Variants in SLC22A24 observed in about 807,000 individuals in gnomAD.
SLC22A24 encodes the protein steroid transmembrane transporter SLC22A24.
A neutral mutation model predicts 49.8 loss-of-function variants in SLC22A24; 53 were observed. The ratio of observed to expected loss-of-function variants is 1.06; its 90% confidence interval spans 0.85 to 1.34. The LOEUF (loss-of-function observed/expected upper bound fraction) is 1.34, where lower values mean the gene tolerates loss of function less well. Ranked by LOEUF, SLC22A24 falls within the 40% of genes most tolerant of loss-of-function variation. The pLI is 0.00. For missense variants in SLC22A24, 786 were observed against 675.9 expected (o/e 1.16, Z -1.81); for synonymous variants, 302 against 256.4 (o/e 1.18, Z -1.70).
intron 6 of SLC22A24, among the ~76,000 whole-genome samples, chr11:63,095,049 C>T (rs1242297609): frequency 1.3e-5 from 2 of 152,138 alleles, no homozygotes; most frequent in African/African-American, 4.8e-5. Context: ...GACATGAAGT[C>T]CTTGCCCATG....
chr11:63,118,138 T>TA (rs949669719), intron 4 of SLC22A24, among the ~76,000 whole-genome samples: 6 of 152,100 alleles, frequency 3.9e-5, no homozygotes, highest in African/African-American at 1.4e-4. Flanking sequence ...CAGAAAGGTA[T>TA]AATAATGACA....
intron 4 of SLC22A24, among the ~76,000 whole-genome samples, chr11:63,108,106 C>G (rs759853472): frequency 3.5e-4 from 53 of 152,034 alleles, no homozygotes; most frequent in Non-Finnish European, 7.1e-4. Context: ...GAGATACATC[C>G]CATCAATACC....
At chr11:63,126,372 C>T (rs1207493503) in intron 2 of SLC22A24, among the ~76,000 whole-genome samples, 1 of 152,142 alleles carries the variant, frequency 6.6e-6, no homozygotes, top group Non-Finnish European at 1.5e-5. Flanking sequence ...CAATTTTCTG[C>T]ATATGGCTAG....
At chr11:63,101,329 GGTAA>G (rs988877511) in intron 5 of SLC22A24, among the ~76,000 whole-genome samples, 7 of 151,196 alleles carry the variant, frequency 4.6e-5, no homozygotes, top group Admixed American at 3.3e-4. Context: ...AATTACACTA[GGTAA>G]GTGTTTATTA....
intron 6 of SLC22A24, among the ~76,000 whole-genome samples, chr11:63,086,823 A>G (rs1052144998): frequency 3.3e-5 from 5 of 152,188 alleles, no homozygotes; most frequent in African/African-American, 4.8e-5. Flanking sequence ...TTGTCTCACT[A>G]TAATAATTTT....
intron 4 of SLC22A24, among the ~76,000 whole-genome samples, chr11:63,113,189 C>CATATATATACACATATATAT (rs2087185583): frequency 2.6e-4 from 2 of 7,832 alleles, no homozygotes; most frequent in African/African-American, 5.2e-4. Context: ...TATATATATA[C>CATATATATACACATATATAT]ACATATATAT....
At chr11:63,091,473 A>G (rs945341875) in intron 6 of SLC22A24, among the ~76,000 whole-genome samples, 3 of 152,210 alleles carry the variant, frequency 2.0e-5, no homozygotes, top group Non-Finnish European at 2.9e-5. Flanking sequence ...ATTTCAGGCC[A>G]ATATCCCTGG....
Position 63,083,302 on chromosome 11 carries a change from T to G in SLC22A24, c.1226A>C (p.Gln409Pro). The G allele has an allele frequency of 1.3e-6, 2 of 1,560,986 alleles. No individual in the cohort carries two copies. The highest frequency in any genetic ancestry group is 1.7e-6 in the Non-Finnish European group (2 of 1,151,464). ...TLNHMGRRIS[Q>P]ILFTFPVGLF... ...TCCCACCGGGAACGTGAACAATATC[T>G]GGCTTATTCGACGACCCATATGATT... is the stretch of plus-strand genomic sequence containing the variant. The change falls in exon 7 of 10, where the codon CAG becomes CCG. Residue 409 changes from glutamine to proline, a missense_variant. Physicochemically the swap from Gln to Pro is moderately conservative, Grantham distance 76. Coordinates refer to ENST00000612278, the MANE Select transcript of SLC22A24 (RefSeq NM_001136506.2).
chr11:63,106,402 T>A (rs2087122046), intron 4 of SLC22A24, among the ~76,000 whole-genome samples: 1 of 152,198 alleles, frequency 6.6e-6, no homozygotes, highest in Admixed American at 6.5e-5. Flanking sequence ...TATGTGTGCA[T>A]GTGTCTTTAT....
intron 6 of SLC22A24, among the ~76,000 whole-genome samples, chr11:63,086,838 T>C (rs2135193376): frequency 6.6e-6 from 1 of 152,276 alleles, no homozygotes; most frequent in South Asian, 2.1e-4. Context: ...AATTTTACTA[T>C]ACACATCTCT....
chr11:63,103,017 G>T (rs909085367), intron 5 of SLC22A24, among the ~76,000 whole-genome samples: 2 of 152,086 alleles, frequency 1.3e-5, no homozygotes, highest in Non-Finnish European at 2.9e-5. Context: ...ATATAAGTAG[G>T]CTTGTTCACA....
chr11:63,081,192 A>T lies in SLC22A24; in HGVS notation c.1395-69T>A. 3 of 1,326,858 alleles carry T rather than the reference A, an allele frequency of 2.3e-6. No homozygotes were observed. In the South Asian group the frequency reaches 3.9e-5, roughly 17 times the overall value. The allele number at this position is 1,326,858 out of a possible 1,614,324, so 82.2% of individuals were successfully genotyped here. On this transcript the variant is annotated intron_variant, in intron 8 of 9. Transcript: ENST00000612278. ...TACATGTCAGCTCTTTATCATCATT[A>T]TTTCTTTATGGGGACCAGTACAACA...
At chr11:63,110,937 G>A (rs1021717285) in intron 4 of SLC22A24, among the ~76,000 whole-genome samples, 78 of 151,818 alleles carry the variant, frequency 5.1e-4, no homozygotes, top group African/African-American at 1.7e-3. Flanking sequence ...AGTTTTCAAA[G>A]GGAATGCTTC....
chr11:63,113,249 C>T (rs1590740395), intron 4 of SLC22A24, among the ~76,000 whole-genome samples: 8 of 137,612 alleles, frequency 5.8e-5, no homozygotes, highest in African/African-American at 2.1e-4. Context: ...TATATACACA[C>T]ATACACACAC....
intron 2 of SLC22A24, among the ~76,000 whole-genome samples, chr11:63,124,217 C>A (rs2087272198): frequency 1.3e-5 from 2 of 152,236 alleles, no homozygotes; most frequent in East Asian, 3.9e-4. Context: ...GCAGCCAGAT[C>A]TCAGAGCTGG....
chr11:63,084,511 G>A (rs573349839), intron 6 of SLC22A24, among the ~76,000 whole-genome samples: 22 of 152,192 alleles, frequency 1.4e-4, no homozygotes, highest in Admixed American at 2.6e-4. Flanking sequence ...ATGTATGCAG[G>A]AGCCAGAGGA....
chr11:63,084,940 T>A (rs1164820070), intron 6 of SLC22A24, among the ~76,000 whole-genome samples: 2 of 43,134 alleles, frequency 4.6e-5, no homozygotes, highest in Non-Finnish European at 1.3e-4. Flanking sequence ...AGGATGGGAT[T>A]TTTTTTTTTT....
intron 5 of SLC22A24, among the ~76,000 whole-genome samples, chr11:63,101,975 A>G (rs2087093974): frequency 6.6e-6 from 1 of 152,092 alleles, no homozygotes; most frequent in South Asian, 2.1e-4. Context: ...AAGGTTGGTT[A>G]GTGGGTACGA....
chr11:63,136,669 C>A (rs908262230), intron 1 of SLC22A24, among the ~76,000 whole-genome samples: 1 of 152,202 alleles, frequency 6.6e-6, no homozygotes, highest in African/African-American at 2.4e-5. Context: ...TGAATATGCT[C>A]TGTCTAGGCA....
Sources: allele counts gnomAD v4.1 joint callset (sites outside exome capture counted in the v4.1 genomes callset), GRCh38; gene constraint gnomAD v4.1.1; transcripts MANE v1.5; gene names NCBI Gene and HGNC (gene_info 2026-07-23, HGNC 2026-07-21).